Variants in TRAPPC9 observed in about 807,000 individuals in gnomAD.
The protein encoded by TRAPPC9 is IKK2 binding protein.
A neutral mutation model predicts 124.0 loss-of-function variants in TRAPPC9; 83 were observed. The observed-to-expected ratio is 0.67, with a 90% confidence interval of 0.56 to 0.80. The LOEUF is 0.80. Ranked by LOEUF, TRAPPC9 falls within the 30% of genes least tolerant of loss-of-function variation. TRAPPC9 has a pLI of 0.00. For missense variants in TRAPPC9, 1,302 were observed against 1,508.3 expected, an observed-to-expected ratio of 0.86 and a Z score of 2.27; for synonymous variants, 638 against 617.5, an observed-to-expected ratio of 1.03 and a Z score of -0.49.
chr8:139,928,255 G>T (rs975310775), intron 19 of TRAPPC9, among the ~76,000 whole-genome samples: 1 of 152,328 alleles, frequency 6.6e-6, no homozygotes, highest in African/African-American at 2.4e-5. Context: ...ACTTTGGGAA[G>T]CTGAGGCAGG....
chr8:140,281,014 A>G lies in TRAPPC9; in HGVS notation c.2114+2875T>C, dbSNP rs373463771. Among the ~76,000 whole-genome samples, 55 of 152,218 alleles carry G rather than the reference A, an allele frequency of 3.6e-4. 1 individual carries two copies. The highest frequency in any genetic ancestry group is 1.2e-3 in the African/African-American group (51 of 41,458). On this transcript the variant is annotated intron_variant, in intron 14 of 22. Transcript: ENST00000438773. ...GAGTGGTGTTCCACTGCAGGGACAC[A>G]CCACATTCTGCTGACCCATTCACCA...
At chr8:139,995,621 A>G (rs920832740) in intron 18 of TRAPPC9, among the ~76,000 whole-genome samples, 2 of 152,124 alleles carry the variant, frequency 1.3e-5, no homozygotes, top group Non-Finnish European at 2.9e-5. Context: ...AGCCCCCAGT[A>G]ATTTGGGAAG....
At chr8:139,981,842 C>T (rs1836918591) in intron 19 of TRAPPC9, among the ~76,000 whole-genome samples, 1 of 152,204 alleles carries the variant, frequency 6.6e-6, no homozygotes, top group East Asian at 1.9e-4. Flanking sequence ...CGTGGATGCT[C>T]TATCAAGACA....
intron 21 of TRAPPC9, among the ~76,000 whole-genome samples, chr8:139,819,439 T>G (rs1352955106): frequency 6.6e-6 from 1 of 152,184 alleles, no homozygotes; most frequent in East Asian, 1.9e-4. Context: ...AAAATGGCCT[T>G]CCAAGAAACC....
chr8:140,101,532 C>CTT (rs1234280796), intron 17 of TRAPPC9, among the ~76,000 whole-genome samples: 3,848 of 78,400 alleles, frequency 0.049, 606 homozygotes, highest in East Asian at 0.097. Context: ...GTAGGGTTTT[C>CTT]TTTTTTTTGT....
At chr8:139,942,554 G>A (rs1465924968) in intron 19 of TRAPPC9, among the ~76,000 whole-genome samples, 4 of 152,200 alleles carry the variant, frequency 2.6e-5, no homozygotes, top group Admixed American at 6.5e-5. Flanking sequence ...AACTGGGGAA[G>A]CGTGAAAGTT....
At chr8:140,026,590 T>C (rs1028806745) in intron 17 of TRAPPC9, among the ~76,000 whole-genome samples, 2 of 152,212 alleles carry the variant, frequency 1.3e-5, no homozygotes, top group Non-Finnish European at 2.9e-5. Flanking sequence ...TGACTAGTCA[T>C]GTTGAGCATC....
At chr8:140,300,402 A>C in intron 11 of TRAPPC9, 67 bp downstream of exon 11, 2 of 1,608,834 alleles carry the variant, frequency 1.2e-6, no homozygotes, top group Non-Finnish European at 1.7e-6. Flanking sequence ...GCTGTTCTAA[A>C]AATCTAGAAA....
intron 19 of TRAPPC9, chr8:139,914,793 A>G (rs1832003234): frequency 6.6e-6 from 1 of 152,246 alleles, no homozygotes. Context: ...CACCGCCCTC[A>G]CCACTTGGCC....
intron 11 of TRAPPC9, among the ~76,000 whole-genome samples, chr8:140,296,817 A>T (rs973557781): frequency 6.6e-6 from 1 of 152,274 alleles, no homozygotes; most frequent in African/African-American, 2.4e-5. Flanking sequence ...GTTTTTCTCA[A>T]CGAAAGAACT....
intron 21 of TRAPPC9, among the ~76,000 whole-genome samples, chr8:139,827,633 G>T (rs1305490888): frequency 6.6e-6 from 1 of 152,234 alleles, no homozygotes; most frequent in Admixed American, 6.5e-5. Context: ...GCCCGCACGT[G>T]ACTGATAAGT....
At chr8:140,263,911 G>A (rs567648139) in intron 15 of TRAPPC9, among the ~76,000 whole-genome samples, 2 of 152,196 alleles carry the variant, frequency 1.3e-5, no homozygotes, top group East Asian at 3.9e-4. Flanking sequence ...CTCTGTCCAC[G>A]CCGAGATATG....
At chr8:139,958,081 C>T (rs1835115238) in intron 19 of TRAPPC9, among the ~76,000 whole-genome samples, 3 of 152,242 alleles carry the variant, frequency 2.0e-5, no homozygotes, top group South Asian at 2.1e-4. Flanking sequence ...CAATCATGCG[C>T]GAGTCAGTTG....
intron 7 of TRAPPC9, among the ~76,000 whole-genome samples, chr8:140,381,526 G>A (rs532148643): frequency 6.6e-6 from 1 of 151,144 alleles, no homozygotes; most frequent in African/African-American, 2.4e-5. Flanking sequence ...AAATTAGCTG[G>A]GTGTGGTGGC....
At chr8:140,028,381 G>C (rs1188160965) in intron 17 of TRAPPC9, among the ~76,000 whole-genome samples, 1 of 152,086 alleles carries the variant, frequency 6.6e-6, no homozygotes, top group Non-Finnish European at 1.5e-5. Flanking sequence ...TAACATGAAA[G>C]GCCTGTCAGT....
chr8:140,033,326 T>C (rs1416283183), intron 17 of TRAPPC9, among the ~76,000 whole-genome samples: 2 of 152,290 alleles, frequency 1.3e-5, no homozygotes, highest in South Asian at 4.1e-4. Context: ...AATGATAAAA[T>C]TTACCTTTTC....
At chr8:139,744,138 G>A (rs1818738382) in intron 21 of TRAPPC9, among the ~76,000 whole-genome samples, 1 of 152,204 alleles carries the variant, frequency 6.6e-6, no homozygotes, top group Admixed American at 6.5e-5. Context: ...GACCAACTAT[G>A]CCAATATGGT....
At chr8:139,791,342 C>T (rs1483767240) in intron 21 of TRAPPC9, among the ~76,000 whole-genome samples, 1 of 151,502 alleles carries the variant, frequency 6.6e-6, no homozygotes, top group African/African-American at 2.4e-5. Context: ...CACACGCTCA[C>T]ACTCACACAG....
intron 17 of TRAPPC9, among the ~76,000 whole-genome samples, chr8:140,071,206 C>T (rs1021604133): frequency 2.6e-5 from 4 of 152,200 alleles, no homozygotes; most frequent in African/African-American, 9.7e-5. Flanking sequence ...ATATTGAAAC[C>T]CACTGCCTTA....
Sources: gnomAD v4.1 joint callset for allele counts (sites outside exome capture counted in the v4.1 genomes callset) on GRCh38, gnomAD v4.1.1 for gene constraint, MANE v1.5 for transcripts, NCBI Gene and HGNC (gene_info 2026-07-23, HGNC 2026-07-21) for gene names.